ABCG2: variants seen among roughly 807,000 people sequenced by gnomAD.
ABCG2 encodes the protein ATP binding cassette subfamily G member 2 (JR blood group), also known as broad substrate specificity ATP-binding cassette transporter ABCG2.
In ABCG2, 80 loss-of-function variants were observed where a neutral mutation model predicts 73.5. The ratio of observed to expected loss-of-function variants is 1.09; its 90% confidence interval spans 0.91 to 1.31. ABCG2 has a LOEUF of 1.31. ABCG2 is among the 50% of genes most tolerant of loss of function. ABCG2 has a pLI of 0.00. For synonymous variants in ABCG2, 269 were observed against 282.4 expected (o/e 0.95, Z 0.48); for missense variants, 796 against 786.2 (o/e 1.01, Z -0.15).
At chr4:88,162,925 G>C (rs1007429670), upstream of ABCG2, among the ~76,000 whole-genome samples, 6 of 152,076 alleles carry the variant, frequency 3.9e-5, no homozygotes, top group East Asian at 1.9e-4. Flanking sequence ...CCCATATTGA[G>C]ACTCCTGCTG....
intron 1 of ABCG2, among the ~76,000 whole-genome samples, chr4:88,141,717 A>AT (rs1725654862): frequency 6.6e-6 from 1 of 152,210 alleles, no homozygotes; most frequent in African/African-American, 2.4e-5. Flanking sequence ...AGGCTGCCTG[A>AT]TTCACGAATC....
intron 1 of ABCG2, among the ~76,000 whole-genome samples, chr4:88,195,395 A>G (rs1415434642): frequency 6.6e-6 from 1 of 152,232 alleles, no homozygotes; most frequent in Non-Finnish European, 1.5e-5. Flanking sequence ...CGGGCTATCC[A>G]GAAAACAGAT....
At position 88,121,764 on chromosome 4, in the gene ABCG2, GAC is replaced by G; in HGVS notation, c.558_559del (p.Ser187TrpfsTer8). On this transcript the variant is annotated frameshift_variant, in exon 6 of 16. Transcript: ENST00000237612. LOFTEE classifies it high-confidence loss of function. ...ACTAGTCCTTTTTCTTTCTCCTCCA[GAC>G]ACACCACGGATAAACTGAGTTCCAA... The G allele has an allele frequency of 6.2e-7, 1 of 1,613,498 alleles. No homozygotes were observed. The highest frequency in any genetic ancestry group is 1.7e-5 in the Admixed American group (1 of 59,892).
chr4:88,230,343 A>T (rs1218446843), intron 1 of ABCG2, among the ~76,000 whole-genome samples: 3 of 91,022 alleles, frequency 3.3e-5, no homozygotes, highest in African/African-American at 1.4e-4. Context: ...ATATATATAT[A>T]TATTTTTTGA....
chr4:88,202,385 T>G, intron 1 of ABCG2, among the ~76,000 whole-genome samples: 1 of 136,856 alleles, frequency 7.3e-6, no homozygotes, highest in Admixed American at 7.5e-5. Flanking sequence ...TATGTATATT[T>G]TAATTAGCTG....
At position 88,202,608 on chromosome 4, in the gene ABCG2, G is replaced by A. The variant is rs952196685; in HGVS notation, c.-20+28386C>T. Among the ~76,000 whole-genome samples, 12 of 151,728 alleles carry A rather than the reference G, an allele frequency of 7.9e-5. No homozygotes were observed. The South Asian group carries it at 8.4e-4, about 11-fold the overall frequency. On this transcript the variant is annotated intron_variant, in intron 1 of 15. Coordinates refer to the ABCG2 transcript ENST00000515655. ...CAGGTTACCACCCGGGAACAGGAGC[G>A]TCCAGGCTCCTCCCCACTGCAAAGG...
intron 5 of ABCG2, among the ~76,000 whole-genome samples, chr4:88,128,230 T>C (rs1724575294): frequency 6.6e-6 from 1 of 152,216 alleles, no homozygotes; most frequent in African/African-American, 2.4e-5. Flanking sequence ...AGATACCATC[T>C]CATGCCAGTT....
intron 1 of ABCG2, among the ~76,000 whole-genome samples, chr4:88,184,683 A>G (rs1728382813): frequency 6.6e-6 from 1 of 152,206 alleles, no homozygotes; most frequent in African/African-American, 2.4e-5. Context: ...CATTCATCAT[A>G]AGAATAGAAA....
intron 1 of ABCG2, among the ~76,000 whole-genome samples, chr4:88,179,661 G>C (rs1405748203): frequency 1.3e-5 from 2 of 152,068 alleles, no homozygotes; most frequent in African/African-American, 2.4e-5. Context: ...TGAAATTCAA[G>C]ATAACACAAA....
At chr4:88,143,004 T>C (rs1353157583) in intron 1 of ABCG2, among the ~76,000 whole-genome samples, 2 of 152,152 alleles carry the variant, frequency 1.3e-5, no homozygotes, top group Non-Finnish European at 2.9e-5. Flanking sequence ...GTACACAACA[T>C]ATACAGAATT....
At chr4:88,112,161 A>C (rs1723178720) in intron 9 of ABCG2, among the ~76,000 whole-genome samples, 1 of 152,190 alleles carries the variant, frequency 6.6e-6, no homozygotes, top group Non-Finnish European at 1.5e-5. Flanking sequence ...TCACAGAGCC[A>C]ACCAAGGAAC....
At chr4:88,208,401 C>T (rs1729461795) in intron 1 of ABCG2, among the ~76,000 whole-genome samples, 1 of 152,218 alleles carries the variant, frequency 6.6e-6, no homozygotes, top group South Asian at 2.1e-4. Context: ...GCACACACTT[C>T]CCCTAGCAAT....
chr4:88,171,345 A>T (rs1273530741), intron 1 of ABCG2, among the ~76,000 whole-genome samples: 1 of 120,226 alleles, frequency 8.3e-6, no homozygotes, highest in Non-Finnish European at 1.7e-5. Flanking sequence ...GAAGGCAGAG[A>T]TCAGTCTGGA....
chr4:88,182,724 T>G (rs530768105), intron 1 of ABCG2, among the ~76,000 whole-genome samples: 1 of 151,996 alleles, frequency 6.6e-6, no homozygotes, highest in Non-Finnish European at 1.5e-5. Flanking sequence ...AAATACAACA[T>G]AGCAAAACCT....
Position 88,126,767 on chromosome 4 carries a change from G to C in ABCG2, c.531+4294C>G, listed in dbSNP as rs578123543. The stretch of plus-strand genomic sequence containing the variant: ...ACTCTCAATAAACTAGGTATTGATG[G>C]AATGTATCTCAAAATAATAAGAGCT... On this transcript the variant is annotated intron_variant, in intron 5 of 15. Transcript: ENST00000237612. Among the ~76,000 whole-genome samples, 68 of 152,204 alleles carry C rather than the reference G, an allele frequency of 4.5e-4. 1 individual carries two copies. The highest frequency in any genetic ancestry group is 1.5e-3 in the African/African-American group (64 of 41,520).
At chr4:88,192,795 T>A (rs1197908341) in intron 1 of ABCG2, among the ~76,000 whole-genome samples, 1 of 151,388 alleles carries the variant, frequency 6.6e-6, no homozygotes, top group East Asian at 2.0e-4. Context: ...CACTGCAACC[T>A]CTGCCTCCTG....
rs965514644 is a variant in ABCG2, at chr4:88,090,747, T to C, written c.*1487A>G. The C allele has an allele frequency of 6.6e-6, 1 of 152,236 alleles. No individual in the cohort carries two copies. The highest frequency in any genetic ancestry group is 2.4e-5 in the African/African-American group (1 of 41,464). The allele number at this position is 152,236 out of a possible 1,614,324, so 9.4% of individuals were successfully genotyped here. A position where few individuals can be genotyped will look rare whatever the true frequency, so the allele number is the denominator to read the frequency against. On this transcript the variant is annotated 3_prime_UTR_variant, in exon 16 of 16. Transcript: ENST00000237612. The stretch of plus-strand genomic sequence containing the variant: ...CTAGATGAAATGTGGTCTCCTGAAT[T>C]GAATCCTAGAACAATGAAAGAATAT...
In ABCG2 at chr4:88,192,047, C is replaced by T. The variant is rs574033331; in HGVS notation, c.-20+38947G>A. 4.6e-5 allele frequency among the ~76,000 whole-genome samples: 7 copies of T among 152,048 alleles called. No homozygotes were observed. In the East Asian group the frequency reaches 1.4e-3, roughly 30 times the overall value. On this transcript the variant is annotated intron_variant, in intron 1 of 15. Transcript: ENST00000515655. The stretch of plus-strand genomic sequence containing the variant: ...ATTAGCTAGGCATGGTGGCGCATGC[C>T]TGTAGCCCCAGCTACCCAGGAAGCT...
At chr4:88,221,030 AG>A (rs1225456214) in intron 1 of ABCG2, among the ~76,000 whole-genome samples, 1 of 152,172 alleles carries the variant, frequency 6.6e-6, no homozygotes, top group African/African-American at 2.4e-5. Context: ...GCACTTTGGG[AG>A]GCCAAGGTGG....
Sources: gnomAD v4.1 joint callset for allele counts (sites outside exome capture counted in the v4.1 genomes callset) on GRCh38, gnomAD v4.1.1 for gene constraint, MANE v1.5 for transcripts, NCBI Gene and HGNC (gene_info 2026-07-23, HGNC 2026-07-21) for gene names.